Variants in CNTN5 observed in about 807,000 individuals in gnomAD.
CNTN5 encodes contactin 5.
Under a neutral mutation model 129.1 loss-of-function variants are expected in CNTN5, and 77 were observed. The ratio of observed to expected loss-of-function variants is 0.60; its 90% CI spans 0.50 to 0.72. The LOEUF (loss-of-function observed/expected upper bound fraction) is 0.72, where lower values mean the gene tolerates loss of function less well. CNTN5 is among the 30% of genes least tolerant of loss of function. CNTN5 has a pLI of 0.00. For synonymous variants in CNTN5, 509 were observed against 465.6 expected (o/e 1.09, Z -1.20); for missense variants, 1,478 against 1,328.8 (o/e 1.11, Z -1.75).
intron 2 of CNTN5, among the ~76,000 whole-genome samples, chr11:99,327,197 A>T (rs538267637): frequency 6.6e-6 from 1 of 152,158 alleles, no homozygotes; most frequent in Non-Finnish European, 1.5e-5. Context: ...GAACCACTGA[A>T]CACAGCACAG....
chr11:99,348,057 A>T (rs1397743428), intron 2 of CNTN5, among the ~76,000 whole-genome samples: 1 of 152,216 alleles, frequency 6.6e-6, no homozygotes, highest in African/African-American at 2.4e-5. Flanking sequence ...TAGATTACTA[A>T]CAAATTAAAT....
intron 2 of CNTN5, among the ~76,000 whole-genome samples, chr11:99,474,591 A>C (rs2135287060): frequency 6.6e-6 from 1 of 152,268 alleles, no homozygotes; most frequent in East Asian, 1.9e-4. Flanking sequence ...ATCAAGATTG[A>C]AGGAAAAATC....
At chr11:100,309,626 C>G (rs1434210553) in intron 21 of CNTN5, 1 of 982,834 alleles carries the variant, frequency 1.0e-6, no homozygotes, top group African/African-American at 1.8e-5. Flanking sequence ...CATGTTTGTT[C>G]ATCATTAAAT....
chr11:99,845,885 A>T (rs1367760270), intron 6 of CNTN5, among the ~76,000 whole-genome samples: 1 of 152,052 alleles, frequency 6.6e-6, no homozygotes, highest in Non-Finnish European at 1.5e-5. Flanking sequence ...GATAATCCAA[A>T]TTTCTTTTGA....
chr11:99,124,144 A>T (rs777826141), intron 1 of CNTN5, among the ~76,000 whole-genome samples: 4 of 151,992 alleles, frequency 2.6e-5, no homozygotes, highest in Non-Finnish European at 5.9e-5. Context: ...GATGATATTG[A>T]TTCTTCCTGT....
intron 2 of CNTN5, among the ~76,000 whole-genome samples, chr11:99,455,108 T>C (rs1037648716): frequency 6.6e-6 from 1 of 152,134 alleles, no homozygotes; most frequent in Admixed American, 6.5e-5. Context: ...GTTAATAGGA[T>C]TATTTGGCTC....
At chr11:99,545,058 CTATAGTATA>C (rs1477816325) in intron 2 of CNTN5, among the ~76,000 whole-genome samples, 1 of 152,106 alleles carries the variant, frequency 6.6e-6, no homozygotes, top group Non-Finnish European at 1.5e-5. Flanking sequence ...TATTTTATAA[CTATAGTATA>C]TATTTTTACA....
intron 1 of CNTN5, among the ~76,000 whole-genome samples, chr11:99,083,466 C>T (rs1865887783): frequency 6.6e-6 from 1 of 152,160 alleles, no homozygotes; most frequent in African/African-American, 2.4e-5. Flanking sequence ...TTCTTATGAT[C>T]ACTCCAACTC....
At chr11:99,561,863 T>C (rs1402308243) in intron 3 of CNTN5, among the ~76,000 whole-genome samples, 1 of 152,092 alleles carries the variant, frequency 6.6e-6, no homozygotes, top group African/African-American at 2.4e-5. Context: ...ATTACATAAA[T>C]ACTAAGGAAA....
At chr11:99,798,264 C>T (rs1169345535) in intron 3 of CNTN5, among the ~76,000 whole-genome samples, 4 of 152,060 alleles carry the variant, frequency 2.6e-5, no homozygotes, top group Non-Finnish European at 5.9e-5. Context: ...CATGTTCCTG[C>T]CCAATCCATG....
chr11:99,868,817 G>A (rs182333010), intron 6 of CNTN5, among the ~76,000 whole-genome samples: 1 of 152,120 alleles, frequency 6.6e-6, no homozygotes, highest in Admixed American at 6.6e-5. Flanking sequence ...TCTTGAGTCT[G>A]CACATTCATC....
intron 17 of CNTN5, among the ~76,000 whole-genome samples, chr11:100,257,826 A>T (rs1224957760): frequency 6.6e-6 from 1 of 152,212 alleles, no homozygotes; most frequent in Non-Finnish European, 1.5e-5. Flanking sequence ...ATCCACAAAG[A>T]TGAGGAAAAA....
chr11:99,361,922 C>T (rs1275839683), intron 2 of CNTN5, among the ~76,000 whole-genome samples: 2 of 151,996 alleles, frequency 1.3e-5, no homozygotes, highest in Non-Finnish European at 2.9e-5. Context: ...AACCTTTTTG[C>T]CTATTATGAA....
chr11:99,922,856 T>C (rs1403659265), intron 7 of CNTN5, among the ~76,000 whole-genome samples: 16 of 152,204 alleles, frequency 1.1e-4, no homozygotes, highest in Admixed American at 1.0e-3. Flanking sequence ...GAAATGCAGA[T>C]TCTAACAGTT....
intron 11 of CNTN5, among the ~76,000 whole-genome samples, chr11:100,071,210 G>T (rs1943908830): frequency 6.6e-6 from 1 of 151,950 alleles, no homozygotes; most frequent in South Asian, 2.1e-4. Context: ...TTTTCTATCT[G>T]TGTTAGTTTT....
At chr11:99,777,211 A>G (rs970332556) in intron 3 of CNTN5, among the ~76,000 whole-genome samples, 1 of 151,914 alleles carries the variant, frequency 6.6e-6, no homozygotes, top group Non-Finnish European at 1.5e-5. Flanking sequence ...TAGTGTTTAC[A>G]GTAAGACAAA....
At chr11:99,258,201 A>G (rs866831924) in intron 1 of CNTN5, among the ~76,000 whole-genome samples, 7 of 151,990 alleles carry the variant, frequency 4.6e-5, no homozygotes, top group Non-Finnish European at 7.4e-5. Flanking sequence ...TTTGTTATAT[A>G]GGTAAACTCA....
intron 2 of CNTN5, among the ~76,000 whole-genome samples, chr11:99,387,427 T>A (rs886833384): frequency 6.6e-6 from 1 of 152,204 alleles, no homozygotes; most frequent in African/African-American, 2.4e-5. Flanking sequence ...AGATGATAAT[T>A]CCACAAATCT....
chr11:99,841,158 A>G (rs1947476813), intron 4 of CNTN5, among the ~76,000 whole-genome samples: 1 of 152,184 alleles, frequency 6.6e-6, no homozygotes, highest in Non-Finnish European at 1.5e-5. Context: ...TAACAGCAAC[A>G]AAATAAATGA....
Sources: gnomAD v4.1 joint callset for allele counts (sites outside exome capture counted in the v4.1 genomes callset) on GRCh38, gnomAD v4.1.1 for gene constraint, MANE v1.5 for transcripts, NCBI Gene and HGNC (gene_info 2026-07-23, HGNC 2026-07-21) for gene names.